Variants in IL6R observed in about 807,000 individuals in gnomAD.
IL6R encodes interleukin 6 receptor, also known as interleukin-6 receptor subunit alpha.
A neutral mutation model predicts 48.3 loss-of-function variants in IL6R; 38 were observed. The ratio of observed to expected loss-of-function variants is 0.79; its 90% CI spans 0.61 to 1.03. IL6R has a LOEUF of 1.03. Among genes scored for constraint, IL6R ranks in the 50% least tolerant of loss-of-function variants. The pLI, the probability that IL6R is intolerant of heterozygous loss-of-function variation, is 0.00. For missense variants in IL6R, 534 were observed against 618.3 expected, an observed-to-expected ratio of 0.86 and a Z score of 1.45; for synonymous variants, 264 against 256.2, an observed-to-expected ratio of 1.03 and a Z score of -0.29.
chr1:154,413,769 CTT>C (rs1266706392), intron 1 of IL6R, among the ~76,000 whole-genome samples: 16 of 111,682 alleles, frequency 1.4e-4, no homozygotes, highest in Admixed American at 2.7e-4. Flanking sequence ...TCATACATGA[CTT>C]TTTTTTTTTT....
intron 1 of IL6R, among the ~76,000 whole-genome samples, chr1:154,410,477 C>T (rs1687958175): frequency 6.6e-6 from 1 of 152,212 alleles, no homozygotes; most frequent in Non-Finnish European, 1.5e-5. Flanking sequence ...TCTGGAACAC[C>T]TAGGCTCAAG....
intron 7 of IL6R, among the ~76,000 whole-genome samples, 182 bp downstream of exon 7, chr1:154,448,353 G>A (rs1690389990): frequency 6.6e-6 from 1 of 152,246 alleles, no homozygotes; most frequent in Non-Finnish European, 1.5e-5. Flanking sequence ...TCTTGTCCCA[G>A]GACTGTAAGG....
chr1:154,416,256 A>T (rs930921046), intron 1 of IL6R, among the ~76,000 whole-genome samples: 1 of 151,836 alleles, frequency 6.6e-6, no homozygotes. Flanking sequence ...TGGCTTTCTG[A>T]GTAGCCAGGA....
At chr1:154,457,671 C>T (rs1185016645) in intron 9 of IL6R, among the ~76,000 whole-genome samples, 1 of 152,124 alleles carries the variant, frequency 6.6e-6, no homozygotes, top group African/African-American at 2.4e-5. Flanking sequence ...TGAAATTTTT[C>T]GGTGTTCACA....
At chr1:154,454,459 C>T (rs754662671) in intron 8 of IL6R, 29 bp from the exon 9 acceptor site, 1 of 1,410,712 alleles carries the variant, frequency 7.1e-7, no homozygotes, top group Non-Finnish European at 1.0e-6. Flanking sequence ...CCTCTTCCTC[C>T]TCTATCTTCA....
intron 9 of IL6R, among the ~76,000 whole-genome samples, chr1:154,457,074 A>G (rs909159413): frequency 6.6e-6 from 1 of 151,910 alleles, no homozygotes; most frequent in Non-Finnish European, 1.5e-5. Flanking sequence ...TGTAATCCCA[A>G]CACTTTGGGA....
intron 9 of IL6R, among the ~76,000 whole-genome samples, chr1:154,457,543 G>A (rs1690960695): frequency 6.6e-6 from 1 of 152,068 alleles, no homozygotes; most frequent in Admixed American, 6.6e-5. Flanking sequence ...CCTGGCTGCT[G>A]TCTCATCATG....
chr1:154,428,386 C>G (rs189601519), intron 1 of IL6R, among the ~76,000 whole-genome samples: 153 of 152,272 alleles, frequency 1.0e-3, no homozygotes, highest in South Asian at 3.7e-3. Flanking sequence ...CCCAGCTGGG[C>G]ATCTGGGCCA....
intron 6 of IL6R, among the ~76,000 whole-genome samples, chr1:154,443,106 AGGTATAAGGG>A (rs1690029421): frequency 6.6e-6 from 1 of 152,176 alleles, no homozygotes; most frequent in African/African-American, 2.4e-5. Context: ...AAAGCCCATT[AGGTATAAGGG>A]GGTTATTCCT....
intron 9 of IL6R, among the ~76,000 whole-genome samples, chr1:154,463,928 C>G (rs4341355): frequency 0.67 from 102,077 of 151,950 alleles, 35,765 homozygotes; most frequent in East Asian, 0.83. Flanking sequence ...TCTGTGGGAA[C>G]TCACCAGCAT....
intron 6 of IL6R, chr1:154,444,975 G>A: frequency 2.4e-6 from 1 of 419,306 alleles, no homozygotes; most frequent in Non-Finnish European, 4.8e-6. Flanking sequence ...ACCTCAAAAT[G>A]AGGGGCGCTT....
At chr1:154,451,749 T>C (rs1690593609) in intron 8 of IL6R, among the ~76,000 whole-genome samples, 1 of 152,066 alleles carries the variant, frequency 6.6e-6, no homozygotes, top group South Asian at 2.1e-4. Context: ...TTAGTCAGGC[T>C]GGACTCGAAC....
chr1:154,441,870 GCTCTCAGAGCCT>G (rs1173377185), intron 6 of IL6R, among the ~76,000 whole-genome samples: 1 of 152,192 alleles, frequency 6.6e-6, no homozygotes, highest in East Asian at 1.9e-4. Flanking sequence ...AGTTAGTTCA[GCTCTCAGAGCCT>G]CAGTCTTGTC....
chr1:154,449,480 T>C (rs989189674), intron 7 of IL6R, among the ~76,000 whole-genome samples: 1 of 152,142 alleles, frequency 6.6e-6, no homozygotes, highest in Non-Finnish European at 1.5e-5. Context: ...GCCATTGCAC[T>C]CCAGCTTGGG....
chr1:154,407,685 A>G (rs999869952), intron 1 of IL6R, among the ~76,000 whole-genome samples: 12 of 152,168 alleles, frequency 7.9e-5, no homozygotes, highest in African/African-American at 2.9e-4. Flanking sequence ...GAGAGGGGAA[A>G]TCCGCAGGTA....
At chr1:154,444,693 A>G (rs1164958796) in intron 6 of IL6R, among the ~76,000 whole-genome samples, 4 of 152,038 alleles carry the variant, frequency 2.6e-5, no homozygotes, top group African/African-American at 7.2e-5. Flanking sequence ...AGCCCAGGAG[A>G]TAGAGACCAG....
Position 154,457,504 on chromosome 1 carries a change from A to G in IL6R, c.1160+2923A>G, listed in dbSNP as rs77205361. Among the ~76,000 whole-genome samples, 1,425 of 152,164 alleles carry G rather than the reference A, an allele frequency of 9.4e-3. 26 individuals carry two copies. Among genetic ancestry groups the G allele is most frequent in the African/African-American group, 0.033 (1,349 of 41,496 alleles). On this transcript the variant is annotated intron_variant, in intron 9 of 9. Coordinates refer to ENST00000368485, the MANE Select transcript of IL6R (RefSeq NM_000565.4). ...CTAGTGTTCTTTTCCAGCCATGGTTAGGAAATACTCATTCAGGCTGAGTTG... is the reference window on the plus strand; with the variant it reads ...CTAGTGTTCTTTTCCAGCCATGGTTGGGAAATACTCATTCAGGCTGAGTTG...
At chr1:154,441,425 T>C (rs1215586153) in intron 6 of IL6R, among the ~76,000 whole-genome samples, 1 of 152,136 alleles carries the variant, frequency 6.6e-6, no homozygotes, top group East Asian at 1.9e-4. Flanking sequence ...CGGAAGACTT[T>C]GAGCCCTCCA....
chr1:154,450,711 A>T (rs1486145025), intron 8 of IL6R, among the ~76,000 whole-genome samples: 3 of 152,244 alleles, frequency 2.0e-5, no homozygotes, highest in Admixed American at 1.3e-4. Flanking sequence ...ATCAAGAAAG[A>T]TCACAAGTCC....
Sources: allele counts gnomAD v4.1 joint callset (sites outside exome capture counted in the v4.1 genomes callset), GRCh38; gene constraint gnomAD v4.1.1; transcripts MANE v1.5; gene names NCBI Gene and HGNC (gene_info 2026-07-23, HGNC 2026-07-21).